SAPCD1: variants seen among roughly 807,000 people sequenced by gnomAD.
SAPCD1 encodes suppressor APC domain containing 1.
Under a neutral mutation model 20.7 loss-of-function variants are expected in SAPCD1, and 16 were observed. The observed-to-expected ratio is 0.77, with a 90% CI of 0.52 to 1.17. The LOEUF (loss-of-function observed/expected upper bound fraction) is 1.17, where lower values mean the gene tolerates loss of function less well. Among genes scored for constraint, SAPCD1 ranks in the 50% most tolerant of loss-of-function variants. SAPCD1 has a pLI of 0.00. For missense variants in SAPCD1, 173 were observed against 209.9 expected (o/e 0.82, Z 1.09); for synonymous variants, 77 against 84.8 (o/e 0.91, Z 0.50).
Position 31,764,732 on chromosome 6 carries a change from G to A in SAPCD1, c.*201G>A. On this transcript the variant is annotated 3_prime_UTR_variant, in exon 5 of 5. Coordinates refer to ENST00000415669, the Ensembl canonical transcript of SAPCD1. The surrounding 1 kb of genome is among the most constrained non-coding windows in gnomAD (Gnocchi z 4.7). Reference sequence around the variant, plus strand: ...GTCCTCATTCTCCCCTATATGACATGCAAAAACGATCTTTCTTTGAAATCC... The same window carrying A: ...GTCCTCATTCTCCCCTATATGACATACAAAAACGATCTTTCTTTGAAATCC... The A allele has an allele frequency of 2.0e-6, 1 of 503,476 alleles. No homozygotes were observed. Among genetic ancestry groups the A allele is most frequent in the Non-Finnish European group, 3.5e-6 (1 of 285,002 alleles). The allele number at this position is 503,476 out of a possible 1,614,324, so 31.2% of individuals were successfully genotyped here. A position where few individuals can be genotyped will look rare whatever the true frequency, so the allele number is the denominator to read the frequency against.
chr6:31,763,171 G>T lies in SAPCD1; in HGVS notation c.114+3G>T. The stretch of plus-strand genomic sequence containing the variant: ...GGGCCCAGAGCTTCTTCCTTTGGGT[G>T]AGTATCAGCCCAACAAGAGGTCCCA... On this transcript the variant is annotated splice_donor_region_variant and intron_variant, in intron 1 of 4. Transcript: ENST00000415669. The surrounding 1 kb of genome is among the most constrained non-coding windows in gnomAD (Gnocchi z 4.9). The T allele has an allele frequency of 6.5e-7, 1 of 1,527,246 alleles. No individual in the cohort carries two copies. The highest frequency in any genetic ancestry group is 8.9e-7 in the Non-Finnish European group (1 of 1,126,768). 94.6% of individuals were successfully genotyped at this position (1,527,246 alleles called of 1,614,324 possible). A position where few individuals can be genotyped will look rare whatever the true frequency, so the allele number is the denominator to read the frequency against.
At position 31,763,417 on chromosome 6, in the gene SAPCD1, A is replaced by AC. The variant is rs1811209697; in HGVS notation, c.118dup (p.Arg40ProfsTer28). ...GCCTCTGTGATTGCCTTTCCCAGCT[A>AC]CGCAGGATGCAGGCTCTGGAGAGAG... is the stretch of plus-strand genomic sequence containing the variant. On this transcript the variant is annotated frameshift_variant, in exon 2 of 5. Transcript: ENST00000415669. LOFTEE classifies it high-confidence loss of function. This position sits in a 1 kb window ranked among gnomAD's most constrained non-coding sequence, Gnocchi z 4.9. 1.9e-6 allele frequency: 3 copies of AC among 1,612,904 alleles called. No homozygotes were observed. The highest frequency in any genetic ancestry group is 2.5e-6 in the Non-Finnish European group (3 of 1,180,040).
Position 31,763,909 on chromosome 6 carries a change from G to A in SAPCD1, c.256-155G>A. On this transcript the variant is annotated intron_variant, in intron 2 of 4. Coordinates refer to ENST00000415669, the Ensembl canonical transcript of SAPCD1. This position sits in a 1 kb window ranked among gnomAD's most constrained non-coding sequence, Gnocchi z 4.9. The stretch of plus-strand genomic sequence containing the variant: ...GAGATGGAGGAACTGATGTGCTAAA[G>A]AGATGGAGGTGGAGAGTACTGGATT... 1 of 628,882 alleles carries A rather than the reference G, an allele frequency of 1.6e-6. No homozygotes were observed. Among genetic ancestry groups the A allele is most frequent in the Non-Finnish European group, 2.8e-6 (1 of 352,078 alleles). 39.0% of individuals were successfully genotyped at this position (628,882 alleles called of 1,614,324 possible).
rs1811359706 is a variant in SAPCD1 at position 31,764,754 on chromosome 6, A to C, written c.*223A>C. On this transcript the variant is annotated 3_prime_UTR_variant, in exon 5 of 5. Transcript: ENST00000415669. The surrounding 1 kb of genome is among the most constrained non-coding windows in gnomAD (Gnocchi z 4.7). Reference sequence around the variant, plus strand: ...CATGCAAAAACGATCTTTCTTTGAAATCCCTCTGGGAAGAAGCATGTTTAT... The same window carrying C: ...CATGCAAAAACGATCTTTCTTTGAACTCCCTCTGGGAAGAAGCATGTTTAT... The C allele has an allele frequency of 2.1e-6, 1 of 480,752 alleles. No homozygotes were observed. Among genetic ancestry groups the C allele is most frequent in the Non-Finnish European group, 3.5e-6 (1 of 283,038 alleles). The allele number at this position is 480,752 out of a possible 1,614,324, so 29.8% of individuals were successfully genotyped here.
In SAPCD1 at chr6:31,764,526, G is replaced by A. The variant is rs145384116; in HGVS notation, c.532G>A (p.Val178Ile). The stretch of plus-strand genomic sequence containing the variant: ...CAAGGGGCCAAGAGGCCCTACCCGT[G>A]TCTAAACCCTCCTCTCACTCCCCTA... The change falls in exon 5 of 5, where the codon GTC (valine) becomes ATC (isoleucine). Residue 178 changes from valine to isoleucine, a missense_variant. Val to Ile is a conservative substitution (Grantham distance 29). Coordinates refer to ENST00000415669, the Ensembl canonical transcript of SAPCD1. This position sits in a 1 kb window ranked among gnomAD's most constrained non-coding sequence, Gnocchi z 4.7. 3 of 1,610,966 alleles carry A rather than the reference G, an allele frequency of 1.9e-6. No homozygotes were observed. In the African/African-American group the frequency reaches 4.0e-5, roughly 22 times the overall value.
rs760663483 is a variant in SAPCD1 at position 31,764,079 on chromosome 6, T to G, written c.271T>G (p.Leu91Val). 6.2e-7 allele frequency: 1 copy of G among 1,613,276 alleles called. No individual in the cohort carries two copies. Among genetic ancestry groups the G allele is most frequent in the African/African-American group, 1.3e-5 (1 of 75,020 alleles). The stretch of plus-strand genomic sequence containing the variant: ...CCTCCTCTAGAATTTTCTAACAGAT[T>G]TACACTCAGAGCCTGGTCGCCCCCC... The change falls in exon 3 of 5, where the codon TTA becomes GTA. Residue 91 changes from leucine (L) to valine (V), a missense_variant. Physicochemically the swap from Leu to Val is conservative, Grantham distance 32 (BLOSUM62 1). Coordinates refer to ENST00000415669, the Ensembl canonical transcript of SAPCD1. This position sits in a 1 kb window ranked among gnomAD's most constrained non-coding sequence, Gnocchi z 4.7.
Position 31,764,679 on chromosome 6 carries a change from T to C in SAPCD1, c.*148T>C, listed in dbSNP as rs1811352083. The C allele has an allele frequency of 3.3e-6, 2 of 614,970 alleles. No individual in the cohort carries two copies. The highest frequency in any genetic ancestry group is 5.8e-6 in the Non-Finnish European group (2 of 344,184). The allele number at this position is 614,970 out of a possible 1,614,324, so 38.1% of individuals were successfully genotyped here. A position where few individuals can be genotyped will look rare whatever the true frequency, so the allele number is the denominator to read the frequency against. ...TGGTGTAAAGTTTCTCCTCTGCTCC[T>C]GAAAACTTCATCTTCTTGGTGTCTC... is the stretch of plus-strand genomic sequence containing the variant. On this transcript the variant is annotated 3_prime_UTR_variant, in exon 5 of 5. Transcript: ENST00000415669. The surrounding 1 kb of genome is among the most constrained non-coding windows in gnomAD (Gnocchi z 4.7).
In SAPCD1 at chr6:31,764,778, A is replaced by G; in HGVS notation, c.*247A>G. ...AATCCCTCTGGGAAGAAGCATGTTTATTGAAACTGTCCTTCAGCCTTAAAT... is the reference window on the plus strand; with the variant it reads ...AATCCCTCTGGGAAGAAGCATGTTTGTTGAAACTGTCCTTCAGCCTTAAAT... On this transcript the variant is annotated 3_prime_UTR_variant, in exon 5 of 5. Transcript: ENST00000415669. The surrounding 1 kb of genome is among the most constrained non-coding windows in gnomAD (Gnocchi z 4.7). 1 of 495,578 alleles carries G rather than the reference A, an allele frequency of 2.0e-6. No individual in the cohort carries two copies. Among genetic ancestry groups the G allele is most frequent in the African/African-American group, 2.0e-5 (1 of 51,038 alleles). The allele number at this position is 495,578 out of a possible 1,614,324, so 30.7% of individuals were successfully genotyped here.
At position 31,763,028 on chromosome 6, in the gene SAPCD1, T is replaced by C. The variant is rs768229711; in HGVS notation, c.-27T>C. 1 of 1,370,470 alleles carries C rather than the reference T, an allele frequency of 7.3e-7. No individual in the cohort carries two copies. Among genetic ancestry groups the C allele is most frequent in the Non-Finnish European group, 1.0e-6 (1 of 984,948 alleles). The allele number at this position is 1,370,470 out of a possible 1,614,324, so 84.9% of individuals were successfully genotyped here. On this transcript the variant is annotated 5_prime_UTR_variant, in exon 1 of 5. Transcript: ENST00000415669. The surrounding 1 kb of genome is among the most constrained non-coding windows in gnomAD (Gnocchi z 4.9). ...CCAGCCCGGGCTGCACCAGTGGGAG[T>C]GGCTCCACCCTTCCCACCTCAGAGC...
Position 31,764,489 on chromosome 6 carries a change from G to A in SAPCD1, c.495G>A (p.Gln165=). The A allele has an allele frequency of 6.2e-7, 1 of 1,614,058 alleles. No homozygotes were observed. The highest frequency in any genetic ancestry group is 8.5e-7 in the Non-Finnish European group (1 of 1,180,030). Residue 165 remains glutamine, a synonymous_variant, in exon 5 of 5, where the codon CAG becomes CAA. Transcript: ENST00000415669. The surrounding 1 kb of genome is among the most constrained non-coding windows in gnomAD (Gnocchi z 4.7). ...CCCAGCCAAAGGAGGAGATGGCTCA[G>A]CGGGGCTGCACCAAGGGGCCAAGAG...
At position 31,763,196 on chromosome 6, in the gene SAPCD1, A is replaced by T. The variant is rs947656954; in HGVS notation, c.114+28A>T. 1 of 1,344,668 alleles carries T rather than the reference A, an allele frequency of 7.4e-7. No individual in the cohort carries two copies. Among genetic ancestry groups the T allele is most frequent in the Non-Finnish European group, 1.0e-6 (1 of 966,330 alleles). 83.3% of individuals were successfully genotyped at this position (1,344,668 alleles called of 1,614,324 possible). On this transcript the variant is annotated intron_variant, in intron 1 of 4. Transcript: ENST00000415669. The surrounding 1 kb of genome is among the most constrained non-coding windows in gnomAD (Gnocchi z 4.9). ...GAGTATCAGCCCAACAAGAGGTCCC[A>T]GGGGAACTCTCTCAATAGATCTGCC...
chr6:31,764,094 G>A lies in SAPCD1; in HGVS notation c.286G>A (p.Gly96Ser). ...TCTAACAGATTTACACTCAGAGCCT[G>A]GTCGCCCCCCGTTAGCCCAGATTCA... The change falls in exon 3 of 5, where the codon GGT becomes AGT. Residue 96 changes from glycine to serine, a missense_variant. Physicochemically the swap from Gly to Ser is moderately conservative, Grantham distance 56. Coordinates refer to ENST00000415669, the Ensembl canonical transcript of SAPCD1. The surrounding 1 kb of genome is among the most constrained non-coding windows in gnomAD (Gnocchi z 4.7). 1 of 1,613,736 alleles carries A rather than the reference G, an allele frequency of 6.2e-7. No homozygotes were observed.
In SAPCD1 at chr6:31,763,539, T is replaced by C; in HGVS notation, c.239T>C (p.Leu80Pro). Residue 80 changes from leucine to proline, a missense_variant, in exon 2 of 5, where the codon CTA becomes CCA. Coordinates refer to ENST00000415669, the Ensembl canonical transcript of SAPCD1. The surrounding 1 kb of genome is among the most constrained non-coding windows in gnomAD (Gnocchi z 4.9). ...GAGGCACAGCGACAGCAGCTGCATC[T>C]AGGGGCCCTTGGTGAGGTATGGGGG... The C allele has an allele frequency of 6.2e-7, 1 of 1,611,696 alleles. No homozygotes were observed. Among genetic ancestry groups the C allele is most frequent in the Non-Finnish European group, 8.5e-7 (1 of 1,179,358 alleles).
chr6:31,763,529 CA>C lies in SAPCD1; in HGVS notation c.230del (p.Gln77ArgfsTer4), dbSNP rs1356568464. 5 of 1,612,388 alleles carry C rather than the reference CA, an allele frequency of 3.1e-6. No homozygotes were observed. In the African/African-American group the frequency reaches 4.0e-5, roughly 13 times the overall value. On this transcript the variant is annotated frameshift_variant, in exon 2 of 5. Coordinates refer to ENST00000415669, the Ensembl canonical transcript of SAPCD1. LOFTEE classifies it high-confidence loss of function. This position sits in a 1 kb window ranked among gnomAD's most constrained non-coding sequence, Gnocchi z 4.9. ...CCATCTGAGGGAGGCACAGCGACAG[CA>C]GCTGCATCTAGGGGCCCTTGGTGAG...
At chr6:31,762,697 A>C (rs1372841832), upstream of SAPCD1, 3 of 587,874 alleles carry the variant, frequency 5.1e-6, no homozygotes, top group Admixed American at 3.1e-5. Context: ...CTTTAGTCTC[A>C]AAACAAGAGA....
chr6:31,763,360 T>C lies in SAPCD1; in HGVS notation c.115-55T>C. 1 of 1,610,478 alleles carries C rather than the reference T, an allele frequency of 6.2e-7. No individual in the cohort carries two copies. Among genetic ancestry groups the C allele is most frequent in the Non-Finnish European group, 8.5e-7 (1 of 1,177,990 alleles). Reference sequence around the variant, plus strand: ...AACTAGGGGTGGAGAGAAAGGGCCATAACCCAGAGCCCTACTGTGGCGTGA... The same window carrying C: ...AACTAGGGGTGGAGAGAAAGGGCCACAACCCAGAGCCCTACTGTGGCGTGA... On this transcript the variant is annotated intron_variant, in intron 1 of 4. Coordinates refer to ENST00000415669, the Ensembl canonical transcript of SAPCD1. This position sits in a 1 kb window ranked among gnomAD's most constrained non-coding sequence, Gnocchi z 4.9.
In SAPCD1 at chr6:31,763,568, C is replaced by T. The variant is rs369541259; in HGVS notation, c.255+13C>T. Reference sequence around the variant, plus strand: ...GGCCCTTGGTGAGGTATGGGGGCTGCCCCTCTGTGTGAATGGGGGGAGGAC... The same window carrying T: ...GGCCCTTGGTGAGGTATGGGGGCTGTCCCTCTGTGTGAATGGGGGGAGGAC... On this transcript the variant is annotated intron_variant, in intron 2 of 4. Coordinates refer to ENST00000415669, the Ensembl canonical transcript of SAPCD1. This position sits in a 1 kb window ranked among gnomAD's most constrained non-coding sequence, Gnocchi z 4.9. The T allele has an allele frequency of 1.2e-5, 19 of 1,600,020 alleles. No homozygotes were observed. In the African/African-American group the frequency reaches 2.4e-4, roughly 20 times the overall value.
rs1276619863 is a variant in SAPCD1, at chr6:31,763,146, G to T, written c.92G>T (p.Gly31Val). The change falls in exon 1 of 5, where the codon GGG becomes GTG. Residue 31 changes from glycine to valine, a missense_variant. Coordinates refer to ENST00000415669, the Ensembl canonical transcript of SAPCD1. The surrounding 1 kb of genome is among the most constrained non-coding windows in gnomAD (Gnocchi z 4.9). ...CTGGGGACAAGCCGCCAAGACCCAG[G>T]GGCCCAGAGCTTCTTCCTTTGGGTG... is the stretch of plus-strand genomic sequence containing the variant. The T allele has an allele frequency of 1.3e-6, 2 of 1,567,386 alleles. No individual in the cohort carries two copies. Among genetic ancestry groups the T allele is most frequent in the Admixed American group, 2.1e-5 (1 of 48,070 alleles).
Position 31,763,699 on chromosome 6 carries a change from G to A in SAPCD1, c.255+144G>A. 1.3e-6 allele frequency: 1 copy of A among 765,186 alleles called. No homozygotes were observed. Among genetic ancestry groups the A allele is most frequent in the Non-Finnish European group, 2.1e-6 (1 of 479,548 alleles). 47.4% of individuals were successfully genotyped at this position (765,186 alleles called of 1,614,324 possible). ...AGTTGGAGGCAGCATCGTAATGACA[G>A]GATGCCACCAAGTGTTAAGTTGGTG... On this transcript the variant is annotated intron_variant, in intron 2 of 4. Transcript: ENST00000415669. The surrounding 1 kb of genome is among the most constrained non-coding windows in gnomAD (Gnocchi z 4.9).
Sources: gnomAD v4.1 joint callset for allele counts on GRCh38, gnomAD v4.1.1 for gene constraint, Gnocchi (gnomAD v3.1) non-coding constraint, MANE v1.5 for transcripts, NCBI Gene and HGNC (gene_info 2026-07-23, HGNC 2026-07-21) for gene names.